The following BOD1L2 variants were observed in gnomAD, a reference collection of about 807,000 sequenced individuals.
BOD1L2 encodes biorientation of chromosomes in cell division protein 1-like 2.
A neutral mutation model predicts 5.3 loss-of-function variants in BOD1L2; 6 were observed. The ratio of observed to expected loss-of-function variants is 1.14; its 90% CI spans 0.62 to 2.25. The LOEUF is 2.25. Ranked by LOEUF, BOD1L2 falls within the 30% of genes most tolerant of loss-of-function variation. The pLI is 0.00. For missense variants in BOD1L2, 210 were observed against 227.2 expected (o/e 0.92, Z 0.49); for synonymous variants, 96 against 96.3 (o/e 1.00, Z 0.02).
chr18:57,147,811 C>A lies in BOD1L2; in HGVS notation c.499C>A (p.Pro167Thr), dbSNP rs2048933686. 1.9e-6 allele frequency: 3 copies of A among 1,611,674 alleles called. No homozygotes were observed. Among genetic ancestry groups the A allele is most frequent in the South Asian group, 1.1e-5 (1 of 90,836 alleles). The change falls in exon 1 of 1, where the codon CCG becomes ACG. Residue 167 changes from proline (P) to threonine (T), a missense_variant. Physicochemically the swap from Pro to Thr is conservative, Grantham distance 38. Coordinates refer to ENST00000585477, the MANE Select transcript of BOD1L2 (RefSeq NM_001257964.2). Reference sequence around the variant, plus strand: ...GCCAGAAGGCCAGGACCCTCCAGCTCCGTCTCAGGACACTTCCTAAGAATA... The same window carrying A: ...GCCAGAAGGCCAGGACCCTCCAGCTACGTCTCAGGACACTTCCTAAGAATA... ...PEPEGQDPPA[P>T]SQDTS
rs1214973029 is a variant in BOD1L2 at position 57,149,896 on chromosome 18, CCTT to C, written c.*2072_*2074del. Reference sequence around the variant, plus strand: ...TGATTTTTGGTTTGGGGTTTGTTCTCCTTCTTCTTTTTAAAAATAACGTAATAA... The same window carrying C: ...TGATTTTTGGTTTGGGGTTTGTTCTCCTTCTTTTTAAAAATAACGTAATAA... On this transcript the variant is annotated 3_prime_UTR_variant, in exon 1 of 1. Coordinates refer to ENST00000585477, the MANE Select transcript of BOD1L2 (RefSeq NM_001257964.2). 5 of 152,188 alleles carry C rather than the reference CCTT, an allele frequency of 3.3e-5. No individual in the cohort carries two copies. The highest frequency in any genetic ancestry group is 4.2e-4 in the South Asian group (2 of 4,808). 9.4% of individuals were successfully genotyped at this position (152,188 alleles called of 1,614,324 possible).
rs1220272619 is a variant in BOD1L2, at chr18:57,149,000, G to A, written c.*1169G>A. ...GCTCTATTGCTCTACAGCTGGCAGT[G>A]TACTAAACGCTTAACTTCGCTTACC... is the stretch of plus-strand genomic sequence containing the variant. On this transcript the variant is annotated 3_prime_UTR_variant, in exon 1 of 1. Transcript: ENST00000585477. 6.6e-6 allele frequency: 1 copy of A among 152,254 alleles called. No homozygotes were observed. The highest frequency in any genetic ancestry group is 1.5e-5 in the Non-Finnish European group (1 of 68,048). 9.4% of individuals were successfully genotyped at this position (152,254 alleles called of 1,614,324 possible).
chr18:57,147,350 G>C lies in BOD1L2; in HGVS notation c.38G>C (p.Gly13Ala), dbSNP rs751056059. The C allele has an allele frequency of 2.5e-5, 36 of 1,454,296 alleles. 1 individual carries two copies. The Admixed American group carries it at 8.7e-4, about 35-fold the overall frequency. The allele number at this position is 1,454,296 out of a possible 1,614,324, so 90.1% of individuals were successfully genotyped here. A position where few individuals can be genotyped will look rare whatever the true frequency, so the allele number is the denominator to read the frequency against. Reference sequence around the variant, plus strand: ...GGCGGCGGCGGCAGCGGCGGTGCGGGCCCGGCCTCGACCCGGGCCAGCGGG... The same window carrying C: ...GGCGGCGGCGGCAGCGGCGGTGCGGCCCCGGCCTCGACCCGGGCCAGCGGG... Reference protein sequence around the residue: ...DGGGGGSGGAGPASTRASGGG... With the variant: ...DGGGGGSGGAAPASTRASGGG... The change falls in exon 1 of 1, where the codon GGC becomes GCC. Residue 13 changes from glycine (G) to alanine (A), a missense_variant. By Grantham distance (60) the Gly-to-Ala change is moderately conservative. Transcript: ENST00000585477.
Position 57,147,412 on chromosome 18 carries a change from G to C in BOD1L2, c.100G>C (p.Gly34Arg). ...CATCAACCCGGCCTCGTTGCCCCCT[G>C]GCGACCCTCAGCTCATCGCTATCAT... ...GPINPASLPP[G>R]DPQLIAIIVG... Residue 34 changes from glycine to arginine, a missense_variant, in exon 1 of 1, where the codon GGC (glycine) becomes CGC (arginine). Coordinates refer to ENST00000585477, the MANE Select transcript of BOD1L2 (RefSeq NM_001257964.2). The C allele has an allele frequency of 6.5e-7, 1 of 1,539,010 alleles. No individual in the cohort carries two copies. Among genetic ancestry groups the C allele is most frequent in the East Asian group, 2.4e-5 (1 of 40,960 alleles).
rs2048924885 is a variant in BOD1L2 at position 57,147,182 on chromosome 18, C to T, written c.-131C>T. The T allele has an allele frequency of 9.6e-7, 1 of 1,046,530 alleles. No individual in the cohort carries two copies. The allele number at this position is 1,046,530 out of a possible 1,614,324, so 64.8% of individuals were successfully genotyped here. Reference sequence around the variant, plus strand: ...ACCGGCCCCGCCGCCATCACCACCACCGTCACCTCCGCCGCTGCCTCCTTG... The same window carrying T: ...ACCGGCCCCGCCGCCATCACCACCATCGTCACCTCCGCCGCTGCCTCCTTG... On this transcript the variant is annotated 5_prime_UTR_variant, in exon 1 of 1. Coordinates refer to ENST00000585477, the MANE Select transcript of BOD1L2 (RefSeq NM_001257964.2).
Position 57,150,255 on chromosome 18 carries a change from T to C in BOD1L2, c.*2424T>C, listed in dbSNP as rs1276133866. The C allele has an allele frequency of 6.6e-6, 1 of 152,216 alleles. No individual in the cohort carries two copies. Among genetic ancestry groups the C allele is most frequent in the Admixed American group, 6.5e-5 (1 of 15,280 alleles). The allele number at this position is 152,216 out of a possible 1,614,324, so 9.4% of individuals were successfully genotyped here. On this transcript the variant is annotated 3_prime_UTR_variant, in exon 1 of 1. Coordinates refer to ENST00000585477, the MANE Select transcript of BOD1L2 (RefSeq NM_001257964.2). The stretch of plus-strand genomic sequence containing the variant: ...AAATGCTAACCTATGCGATGGACAC[T>C]GCTGTATTCTGAAAATGAATATGTA...
Position 57,148,052 on chromosome 18 carries a change from G to A in BOD1L2, c.*221G>A. Reference sequence around the variant, plus strand: ...CCTGCATTGCGCTGCCATTTGGCCAGCCTTTCCAAGGGCATGACACCAAAC... The same window carrying A: ...CCTGCATTGCGCTGCCATTTGGCCAACCTTTCCAAGGGCATGACACCAAAC... On this transcript the variant is annotated 3_prime_UTR_variant, in exon 1 of 1. Coordinates refer to ENST00000585477, the MANE Select transcript of BOD1L2 (RefSeq NM_001257964.2). The A allele has an allele frequency of 2.0e-6, 1 of 506,196 alleles. No homozygotes were observed. Among genetic ancestry groups the A allele is most frequent in the East Asian group, 3.5e-5 (1 of 28,462 alleles). The allele number at this position is 506,196 out of a possible 1,614,324, so 31.4% of individuals were successfully genotyped here.
rs764579180 is a variant in BOD1L2 at position 57,147,556 on chromosome 18, A to G, written c.244A>G (p.Thr82Ala). The change falls in exon 1 of 1, where the codon ACA (threonine) becomes GCA (alanine). Residue 82 changes from threonine to alanine, a missense_variant. Thr to Ala is a moderately conservative substitution (Grantham distance 58, BLOSUM62 0). Coordinates refer to ENST00000585477, the MANE Select transcript of BOD1L2 (RefSeq NM_001257964.2). The stretch of plus-strand genomic sequence containing the variant: ...CCAGAAAGCGGATAATTTTGTGTCG[A>G]CACATCTGGACAAGCAGGAATGGAA... Reference protein sequence around the residue: ...LSQKADNFVSTHLDKQEWNPP... With the variant: ...LSQKADNFVSAHLDKQEWNPP... The G allele has an allele frequency of 2.5e-6, 4 of 1,611,718 alleles. No homozygotes were observed. The East Asian group carries it at 8.9e-5, about 36-fold the overall frequency.
chr18:57,147,685 G>C lies in BOD1L2; in HGVS notation c.373G>C (p.Asp125His), dbSNP rs1458558314. 1.2e-6 allele frequency: 2 copies of C among 1,613,542 alleles called. No homozygotes were observed. Among genetic ancestry groups the C allele is most frequent in the East Asian group, 4.5e-5 (2 of 44,896 alleles). Residue 125 changes from aspartate (D) to histidine (H), a missense_variant, in exon 1 of 1, where the codon GAT becomes CAT. Physicochemically the swap from Asp to His is moderately conservative, Grantham distance 81 (BLOSUM62 -1). Transcript: ENST00000585477. ...GVDRISSQVV[D>H]PKLNHIFRPQ... Reference sequence around the variant, plus strand: ...GGACAGGATTAGTTCTCAGGTGGTGGATCCAAAACTAAACCACATCTTCAG... The same window carrying C: ...GGACAGGATTAGTTCTCAGGTGGTGCATCCAAAACTAAACCACATCTTCAG...
At position 57,149,556 on chromosome 18, in the gene BOD1L2, T is replaced by C. The variant is rs1599294763; in HGVS notation, c.*1725T>C. ...TCTTCAAAATTTAGAGTCCAGAAGG[T>C]AGAAGACCATGTCCTTTCTGAAAAT... On this transcript the variant is annotated 3_prime_UTR_variant, in exon 1 of 1. Coordinates refer to ENST00000585477, the MANE Select transcript of BOD1L2 (RefSeq NM_001257964.2). The C allele has an allele frequency of 3.9e-5, 6 of 152,360 alleles. No individual in the cohort carries two copies. The Middle Eastern group carries it at 0.01, about 259-fold the overall frequency. The allele number at this position is 152,360 out of a possible 1,614,324, so 9.4% of individuals were successfully genotyped here.
At position 57,147,479 on chromosome 18, in the gene BOD1L2, G is replaced by A. The variant is rs751292958; in HGVS notation, c.167G>A (p.Arg56His). ...AGCAGGGGCCTTTTTGACAGCTTCC[G>A]CCGGGACTGCAAGGCTGACGTGGAC... ...LKSRGLFDSF[R>H]RDCKADVDTK... Residue 56 changes from arginine (R) to histidine (H), a missense_variant, in exon 1 of 1, where the codon CGC (arginine) becomes CAC (histidine). By Grantham distance (29) the Arg-to-His change is conservative. Coordinates refer to ENST00000585477, the MANE Select transcript of BOD1L2 (RefSeq NM_001257964.2). 1.3e-6 allele frequency: 2 copies of A among 1,568,990 alleles called. No homozygotes were observed. The highest frequency in any genetic ancestry group is 1.2e-5 in the South Asian group (1 of 86,478).
rs1038152835 is a variant in BOD1L2 at position 57,149,795 on chromosome 18, A to ACC, written c.*1967_*1968dup. ...GAGATTTAAAATCACTCCATCTGAG[A>ACC]CCCCAGCTTGGCACCTATCTTTGCA... On this transcript the variant is annotated 3_prime_UTR_variant, in exon 1 of 1. Transcript: ENST00000585477. The ACC allele has an allele frequency of 2.6e-4, 39 of 152,292 alleles. No homozygotes were observed. The highest frequency in any genetic ancestry group is 9.1e-4 in the African/African-American group (38 of 41,534). 9.4% of individuals were successfully genotyped at this position (152,292 alleles called of 1,614,324 possible). A position where few individuals can be genotyped will look rare whatever the true frequency, so the allele number is the denominator to read the frequency against.
Position 57,147,302 on chromosome 18 carries a change from G to A in BOD1L2, c.-11G>A, listed in dbSNP as rs1168650752. Reference sequence around the variant, plus strand: ...CTATAATCGGTTTCCTTGTGGGCCCGGTGCGCAGCCATGGCGGACGGTGGC... The same window carrying A: ...CTATAATCGGTTTCCTTGTGGGCCCAGTGCGCAGCCATGGCGGACGGTGGC... On this transcript the variant is annotated 5_prime_UTR_variant, in exon 1 of 1. Transcript: ENST00000585477. The A allele has an allele frequency of 1.7e-6, 2 of 1,163,876 alleles. No individual in the cohort carries two copies. The highest frequency in any genetic ancestry group is 1.7e-5 in the African/African-American group (1 of 60,502). 72.1% of individuals were successfully genotyped at this position (1,163,876 alleles called of 1,614,324 possible).
In BOD1L2 at chr18:57,147,783, A is replaced by G; in HGVS notation, c.471A>G (p.Pro157=). The G allele has an allele frequency of 1.2e-6, 2 of 1,613,840 alleles. No individual in the cohort carries two copies. The highest frequency in any genetic ancestry group is 1.7e-6 in the Non-Finnish European group (2 of 1,179,986). ...AAGCAGCTGTGCCAGCACTCCCTCCAGAGCCAGAAGGCCAGGACCCTCCAG... is the reference window on the plus strand; with the variant it reads ...AAGCAGCTGTGCCAGCACTCCCTCCGGAGCCAGAAGGCCAGGACCCTCCAG... ...QKEAAVPALP[P]EPEGQDPPAP... Residue 157 remains proline, a synonymous_variant, in exon 1 of 1, where the codon CCA becomes CCG. Coordinates refer to ENST00000585477, the MANE Select transcript of BOD1L2 (RefSeq NM_001257964.2).
rs1235889977 is a variant in BOD1L2, at chr18:57,149,690, A to C, written c.*1859A>C. On this transcript the variant is annotated 3_prime_UTR_variant, in exon 1 of 1. Coordinates refer to ENST00000585477, the MANE Select transcript of BOD1L2 (RefSeq NM_001257964.2). ...CAGCCATTTTAATTGTTTCTTTCGA[A>C]GTACAAAAGAGCAGCTGGGCCACAT... 6.6e-6 allele frequency: 1 copy of C among 152,210 alleles called. No homozygotes were observed. The highest frequency in any genetic ancestry group is 1.5e-5 in the Non-Finnish European group (1 of 68,044). The allele number at this position is 152,210 out of a possible 1,614,324, so 9.4% of individuals were successfully genotyped here.
chr18:57,147,794 G>T lies in BOD1L2; in HGVS notation c.482G>T (p.Gly161Val), dbSNP rs11151997. 0.55 allele frequency: 879,297 copies of T among 1,610,522 alleles called. 240,310 individuals are homozygous for T. Among genetic ancestry groups the T allele is most frequent in the African/African-American group, 0.61 (45,707 of 74,718 alleles). The change falls in exon 1 of 1, where the codon GGC (glycine) becomes GTC (valine). Residue 161 changes from glycine to valine, a missense_variant. Physicochemically the swap from Gly to Val is moderately radical, Grantham distance 109. Coordinates refer to ENST00000585477, the MANE Select transcript of BOD1L2 (RefSeq NM_001257964.2). ...AVPALPPEPE[G>V]QDPPAPSQDT... is the part of the protein sequence containing the mutation. ...CCAGCACTCCCTCCAGAGCCAGAAG[G>T]CCAGGACCCTCCAGCTCCGTCTCAG...
Position 57,147,749 on chromosome 18 carries a change from C to A in BOD1L2, c.437C>A (p.Ala146Asp), listed in dbSNP as rs777207625. Residue 146 changes from alanine (A) to aspartate (D), a missense_variant, in exon 1 of 1, where the codon GCC (alanine) becomes GAC (aspartate). Physicochemically the swap from Ala to Asp is moderately radical, Grantham distance 126 (BLOSUM62 -2). Coordinates refer to ENST00000585477, the MANE Select transcript of BOD1L2 (RefSeq NM_001257964.2). Reference sequence around the variant, plus strand: ...CAAATAATTCATGAATTCCTGGTGGCCCAGAAAGAAGCAGCTGTGCCAGCA... The same window carrying A: ...CAAATAATTCATGAATTCCTGGTGGACCAGAAAGAAGCAGCTGTGCCAGCA... ...IEQIIHEFLV[A>D]QKEAAVPALP... is the part of the protein sequence containing the mutation. The A allele has an allele frequency of 2.1e-4, 333 of 1,613,632 alleles. No homozygotes were observed. Among genetic ancestry groups the A allele is most frequent in the Non-Finnish European group, 2.7e-4 (321 of 1,180,010 alleles).
rs2048938751 is a variant in BOD1L2 at position 57,148,390 on chromosome 18, C to T, written c.*559C>T. On this transcript the variant is annotated 3_prime_UTR_variant, in exon 1 of 1. Transcript: ENST00000585477. ...GTACATGAATCTTCTAGCCAGTTTCCTTTCCTTTGTAAGAGATAACAAAGC... is the reference window on the plus strand; with the variant it reads ...GTACATGAATCTTCTAGCCAGTTTCTTTTCCTTTGTAAGAGATAACAAAGC... 1 of 152,996 alleles carries T rather than the reference C, an allele frequency of 6.5e-6. No individual in the cohort carries two copies. Among genetic ancestry groups the T allele is most frequent in the Non-Finnish European group, 1.5e-5 (1 of 68,604 alleles). 9.5% of individuals were successfully genotyped at this position (152,996 alleles called of 1,614,324 possible).
chr18:57,148,000 C>T lies in BOD1L2; in HGVS notation c.*169C>T. On this transcript the variant is annotated 3_prime_UTR_variant, in exon 1 of 1. Coordinates refer to ENST00000585477, the MANE Select transcript of BOD1L2 (RefSeq NM_001257964.2). ...CAGATTGAAAGGGAAGCAAGTTCGC[C>T]AGAGAGAAAGTTGACCGTGGCACCC... The T allele has an allele frequency of 1.3e-6, 1 of 795,994 alleles. No individual in the cohort carries two copies. Among genetic ancestry groups the T allele is most frequent in the Non-Finnish European group, 1.9e-6 (1 of 525,358 alleles). The allele number at this position is 795,994 out of a possible 1,614,324, so 49.3% of individuals were successfully genotyped here.
Sources: allele counts gnomAD v4.1 joint callset, GRCh38; gene constraint gnomAD v4.1.1; transcripts MANE v1.5; gene names NCBI Gene and HGNC (gene_info 2026-07-23, HGNC 2026-07-21).